Variants in GRIK2 observed in about 807,000 individuals in gnomAD.
GRIK2 encodes glutamate receptor ionotropic, kainate 2.
GRIK2 carries 32 observed loss-of-function variants against 100.3 expected under a neutral mutation model. That is an observed-to-expected ratio of 0.32 (90% confidence interval 0.24 to 0.43). GRIK2 has a LOEUF of 0.43. Ranked by LOEUF, GRIK2 falls within the 20% of genes least tolerant of loss-of-function variation. The pLI, the probability that GRIK2 is intolerant of heterozygous loss-of-function variation, is 1.00. For missense variants in GRIK2, 843 were observed against 1,114.9 expected (o/e 0.76, Z 3.47); for synonymous variants, 417 against 389.4 (o/e 1.07, Z -0.83).
chr6:101,834,398 G>T (rs1782923840), intron 10 of GRIK2, among the ~76,000 whole-genome samples: 1 of 151,338 alleles, frequency 6.6e-6, no homozygotes, highest in African/African-American at 2.4e-5. Flanking sequence ...TTTTTTTGGA[G>T]CGTCTATTTC....
At chr6:101,746,851 G>C (rs1445133497) in intron 7 of GRIK2, among the ~76,000 whole-genome samples, 1 of 152,026 alleles carries the variant, frequency 6.6e-6, no homozygotes, top group Admixed American at 6.5e-5. Flanking sequence ...TACCCCGCTT[G>C]TTGATATATA....
intron 12 of GRIK2, among the ~76,000 whole-genome samples, chr6:101,906,194 A>G (rs892648043): frequency 7.2e-5 from 11 of 151,816 alleles, no homozygotes; most frequent in African/African-American, 2.2e-4. Context: ...TTCCGCTCCT[A>G]TGTGAGCCTA....
chr6:101,447,979 A>G (rs1012312164), intron 2 of GRIK2, among the ~76,000 whole-genome samples: 1 of 151,704 alleles, frequency 6.6e-6, no homozygotes, highest in African/African-American at 2.4e-5. Context: ...ACAGAGTATG[A>G]GCATGACCAT....
chr6:101,540,838 A>G (rs1775949967), intron 2 of GRIK2, among the ~76,000 whole-genome samples: 1 of 151,992 alleles, frequency 6.6e-6, no homozygotes. Flanking sequence ...ATAAAGAATT[A>G]GGCTCAGAAC....
At chr6:101,793,123 A>G (rs1243173126) in intron 7 of GRIK2, among the ~76,000 whole-genome samples, 2 of 152,062 alleles carry the variant, frequency 1.3e-5, no homozygotes, top group Non-Finnish European at 2.9e-5. Context: ...ATTTTTTTCA[A>G]AGTTTTCAAC....
At chr6:101,930,248 T>C (rs1582558179) in intron 14 of GRIK2, among the ~76,000 whole-genome samples, 1 of 151,494 alleles carries the variant, frequency 6.6e-6, no homozygotes, top group South Asian at 2.1e-4. Flanking sequence ...AGGCTGAGGC[T>C]GGAGAATCAC....
intron 4 of GRIK2, among the ~76,000 whole-genome samples, chr6:101,675,137 AC>A (rs1770729444): frequency 6.6e-6 from 1 of 151,950 alleles, no homozygotes; most frequent in South Asian, 2.1e-4. Context: ...TCTAATTGTA[AC>A]TTTGTACCCA....
chr6:101,875,763 T>C (rs943091274), intron 11 of GRIK2, among the ~76,000 whole-genome samples: 1 of 151,890 alleles, frequency 6.6e-6, no homozygotes, highest in African/African-American at 2.4e-5. Flanking sequence ...TAACAAGATA[T>C]TGATAACCAA....
chr6:101,686,767 AAC>A lies in GRIK2; in HGVS notation c.951+420_951+421del, dbSNP rs1771730322. On this transcript the variant is annotated intron_variant, in intron 7 of 16. Transcript: ENST00000369134. Reference sequence around the variant, plus strand: ...TATATAAATGACTTATGTCACACAAAACACACAAAATTCTCGCATGAGCTTAC... The same window carrying A: ...TATATAAATGACTTATGTCACACAAAACACAAAATTCTCGCATGAGCTTAC... Among the ~76,000 whole-genome samples the A allele has an allele frequency of 4.6e-5, 7 of 152,250 alleles. No homozygotes were observed. The South Asian group carries it at 1.5e-3, about 32-fold the overall frequency.
chr6:102,056,854 TTTTATAACCCCA>T, intron 16 of GRIK2, among the ~76,000 whole-genome samples: 1 of 152,132 alleles, frequency 6.6e-6, no homozygotes, highest in Admixed American at 6.6e-5. Context: ...AAATGTATAT[TTTTATAACCCCA>T]TTTTGTCTAT....
chr6:101,478,659 G>A (rs183489183), intron 2 of GRIK2, among the ~76,000 whole-genome samples: 11 of 151,572 alleles, frequency 7.3e-5, no homozygotes, highest in South Asian at 4.2e-4. Flanking sequence ...GACTACAGGC[G>A]CCTGCCACCA....
intron 2 of GRIK2, among the ~76,000 whole-genome samples, chr6:101,467,713 C>T (rs1040656875): frequency 6.6e-6 from 1 of 152,060 alleles, no homozygotes; most frequent in African/African-American, 2.4e-5. Context: ...TACTCTATTC[C>T]CACCTTCTTG....
At position 101,920,186 on chromosome 6, in the gene GRIK2, G is replaced by A. The variant is rs571804983; in HGVS notation, c.1749-4415G>A. Among the ~76,000 whole-genome samples, 15 of 151,978 alleles carry A rather than the reference G, an allele frequency of 9.9e-5. No individual in the cohort carries two copies. In the South Asian group the frequency reaches 2.5e-3, roughly 25 times the overall value. On this transcript the variant is annotated intron_variant, in intron 12 of 16. Coordinates refer to ENST00000369134, the MANE Select transcript of GRIK2 (RefSeq NM_021956.5). ...ATATGGAGAAAAGAAAGATATACTTGGGTTACACAAGTAGTGGTTAAGCGT... is the reference window on the plus strand; with the variant it reads ...ATATGGAGAAAAGAAAGATATACTTAGGTTACACAAGTAGTGGTTAAGCGT...
intron 2 of GRIK2, among the ~76,000 whole-genome samples, chr6:101,530,137 A>G (rs546493363): frequency 1.3e-5 from 2 of 152,190 alleles, no homozygotes; most frequent in Admixed American, 1.3e-4. Context: ...GATGATTCAA[A>G]TAACATTTTT....
rs371239986 is a variant in GRIK2 at position 101,783,317 on chromosome 6, G to GCT, written c.952-16316_952-16315dup. 5.5e-5 allele frequency among the ~76,000 whole-genome samples: 8 copies of GCT among 145,254 alleles called. No individual in the cohort carries two copies. The South Asian group carries it at 9.7e-4, about 18-fold the overall frequency. ...CAAAGTGACAGTTTCCCATTTGCAT[G>GCT]CTCTCTCTCTCTCTCTTGCCACCAT... On this transcript the variant is annotated intron_variant, in intron 7 of 16. Transcript: ENST00000369134.
At position 101,881,955 on chromosome 6, in the gene GRIK2, A is replaced by C. The variant is rs939384493; in HGVS notation, c.1525-7685A>C. On this transcript the variant is annotated intron_variant, in intron 11 of 16. Transcript: ENST00000369134. Reference sequence around the variant, plus strand: ...GTAATTCATAAAGAAAAAGTAGTTTAATGAATTCAGTTCCATGTGGCTGGG... The same window carrying C: ...GTAATTCATAAAGAAAAAGTAGTTTCATGAATTCAGTTCCATGTGGCTGGG... Among the ~76,000 whole-genome samples the C allele has an allele frequency of 3.9e-5, 6 of 152,272 alleles. No individual in the cohort carries two copies. In the South Asian group the frequency reaches 8.3e-4, roughly 21 times the overall value.
At chr6:101,750,486 T>C (rs1776718198) in intron 7 of GRIK2, among the ~76,000 whole-genome samples, 1 of 152,206 alleles carries the variant, frequency 6.6e-6, no homozygotes, top group Non-Finnish European at 1.5e-5. Flanking sequence ...TCAAACCTTG[T>C]AGAGGAATCC....
At chr6:101,629,678 G>A (rs1264772427) in intron 4 of GRIK2, among the ~76,000 whole-genome samples, 2 of 151,928 alleles carry the variant, frequency 1.3e-5, no homozygotes, top group African/African-American at 2.4e-5. Context: ...TAGACTTTTT[G>A]TCTTTTTGTT....
At chr6:101,727,829 G>A (rs898628376) in intron 7 of GRIK2, among the ~76,000 whole-genome samples, 1 of 151,956 alleles carries the variant, frequency 6.6e-6, no homozygotes, top group Admixed American at 6.6e-5. Context: ...CAATGACATA[G>A]CCTATATATA....
Sources: allele counts gnomAD v4.1 joint callset (sites outside exome capture counted in the v4.1 genomes callset), GRCh38; gene constraint gnomAD v4.1.1; transcripts MANE v1.5; gene names NCBI Gene and HGNC (gene_info 2026-07-23, HGNC 2026-07-21).